Variants in NMNAT2 observed in about 807,000 individuals in gnomAD.
NMNAT2 encodes the protein nicotinamide/nicotinic acid mononucleotide adenylyltransferase 2.
NMNAT2 carries 11 observed loss-of-function variants against 41.6 expected under a neutral mutation model. The observed-to-expected ratio is 0.26, with a 90% CI of 0.17 to 0.44. The LOEUF is 0.44. Ranked by LOEUF, NMNAT2 falls within the 20% of genes least tolerant of loss-of-function variation. The pLI is 1.00. For synonymous variants in NMNAT2, 148 were observed against 151.2 expected (o/e 0.98, Z 0.16); for missense variants, 288 against 407.7 (o/e 0.71, Z 2.53).
intron 1 of NMNAT2, among the ~76,000 whole-genome samples, chr1:183,358,726 G>A (rs1191347929): frequency 1.3e-5 from 2 of 152,134 alleles, no homozygotes; most frequent in Non-Finnish European, 2.9e-5. Context: ...TAAACATACT[G>A]AGTCCTAGAT....
intron 8 of NMNAT2, among the ~76,000 whole-genome samples, chr1:183,264,696 G>GT (rs1660759089): frequency 6.6e-6 from 1 of 152,084 alleles, no homozygotes; most frequent in Non-Finnish European, 1.5e-5. Context: ...ATGTGTGTGT[G>GT]GGTTCGGGAA....
chr1:183,301,770 A>T (rs1479307212), intron 1 of NMNAT2, among the ~76,000 whole-genome samples: 2 of 152,264 alleles, frequency 1.3e-5, no homozygotes, highest in African/African-American at 4.8e-5. Context: ...ATAAAAATTC[A>T]TGAGACACAC....
chr1:183,399,531 A>G (rs1648749898), intron 1 of NMNAT2, among the ~76,000 whole-genome samples: 1 of 152,212 alleles, frequency 6.6e-6, no homozygotes, highest in South Asian at 2.1e-4. Flanking sequence ...AATCAATAGA[A>G]AAAGAGGGAA....
intron 1 of NMNAT2, among the ~76,000 whole-genome samples, chr1:183,382,172 A>G (rs776994202): frequency 6.6e-6 from 1 of 152,204 alleles, no homozygotes; most frequent in Non-Finnish European, 1.5e-5. Flanking sequence ...CTCATCTTAC[A>G]TGGCTGGAGC....
intron 1 of NMNAT2, among the ~76,000 whole-genome samples, chr1:183,361,560 A>G (rs1253477387): frequency 1.3e-5 from 2 of 151,788 alleles, no homozygotes; most frequent in Admixed American, 1.3e-4. Context: ...AATATTTTTA[A>G]ATAAATGAAC....
chr1:183,317,554 G>A (rs951544948), intron 1 of NMNAT2, among the ~76,000 whole-genome samples: 1 of 152,204 alleles, frequency 6.6e-6, no homozygotes, highest in Non-Finnish European at 1.5e-5. Flanking sequence ...TTATAGGCAT[G>A]AGCCACCATG....
Position 183,284,822 on chromosome 1 carries a change from A to G in NMNAT2, c.449-32T>C, listed in dbSNP as rs960095689. 3.2e-6 allele frequency: 5 copies of G among 1,586,676 alleles called. No individual in the cohort carries two copies. In the East Asian group the frequency reaches 6.7e-5, roughly 21 times the overall value. On this transcript the variant is annotated intron_variant, in intron 5 of 10. Coordinates refer to ENST00000287713, the MANE Select transcript of NMNAT2 (RefSeq NM_015039.4). Reference sequence around the variant, plus strand: ...GAGAGAGCAAGACAGACAGGGACAGAGTGGGAGAGAACAACTCACAACTGG... The same window carrying G: ...GAGAGAGCAAGACAGACAGGGACAGGGTGGGAGAGAACAACTCACAACTGG...
rs563608920 is a variant in NMNAT2, at chr1:183,380,131, T to C, written c.85+38052A>G. ...TCTTCATAAGGGCTCATGAGAGAGA[T>C]TTTGTTCAGGTTTCAGAACTAGGAA... On this transcript the variant is annotated intron_variant, in intron 1 of 10. Coordinates refer to ENST00000287713, the MANE Select transcript of NMNAT2 (RefSeq NM_015039.4). Among the ~76,000 whole-genome samples, 25 of 152,322 alleles carry C rather than the reference T, an allele frequency of 1.6e-4. No homozygotes were observed. In the South Asian group the frequency reaches 5.2e-3, roughly 32 times the overall value.
intron 4 of NMNAT2, among the ~76,000 whole-genome samples, 174 bp downstream of exon 4, chr1:183,289,954 C>T (rs1327616341): frequency 6.6e-6 from 1 of 152,218 alleles, no homozygotes; most frequent in Admixed American, 6.5e-5. Context: ...ATTCATTGTT[C>T]TTCATGCTGT....
chr1:183,302,679 G>A (rs1372275312), intron 1 of NMNAT2, among the ~76,000 whole-genome samples: 1 of 152,126 alleles, frequency 6.6e-6, no homozygotes, highest in Non-Finnish European at 1.5e-5. Context: ...AATCTCCCCA[G>A]GGCTAGGTAC....
At chr1:183,341,725 C>CAA (rs762935303) in intron 1 of NMNAT2, among the ~76,000 whole-genome samples, 3,417 of 22,050 alleles carry the variant, frequency 0.15, 477 homozygotes, top group Middle Eastern at 0.28. Context: ...AAACAAACAC[C>CAA]AAAAAAAAAA....
At position 183,304,851 on chromosome 1, in the gene NMNAT2, A is replaced by G. The variant is rs199722061; in HGVS notation, c.86-11058T>C. On this transcript the variant is annotated intron_variant, in intron 1 of 10. Coordinates refer to ENST00000287713, the MANE Select transcript of NMNAT2 (RefSeq NM_015039.4). Reference sequence around the variant, plus strand: ...TGTTGCTGATCTTGTTTGCTCCACTACCTCCAGCTTGGGAGAATTTGAATC... The same window carrying G: ...TGTTGCTGATCTTGTTTGCTCCACTGCCTCCAGCTTGGGAGAATTTGAATC... 27 of 1,570,490 alleles carry G rather than the reference A, an allele frequency of 1.7e-5. No homozygotes were observed. The South Asian group carries it at 3.0e-4, about 17-fold the overall frequency.
chr1:183,374,383 C>T (rs989213345), intron 1 of NMNAT2, among the ~76,000 whole-genome samples: 9 of 152,210 alleles, frequency 5.9e-5, no homozygotes, highest in Admixed American at 2.6e-4. Context: ...GCCTTCTACC[C>T]CGTCAAGAAG....
chr1:183,328,562 G>A (rs1662516195), intron 1 of NMNAT2, among the ~76,000 whole-genome samples: 1 of 152,202 alleles, frequency 6.6e-6, no homozygotes, highest in South Asian at 2.1e-4. Flanking sequence ...GGTCACTGCT[G>A]ATCTGACCAT....
In NMNAT2 at chr1:183,251,855, TTGCTGCTGCTGC is replaced by T; in HGVS notation, c.*774_*785del. The T allele has an allele frequency of 6.1e-6, 1 of 163,200 alleles. No homozygotes were observed. The highest frequency in any genetic ancestry group is 1.6e-4 in the South Asian group (1 of 6,224). 10.1% of individuals were successfully genotyped at this position (163,200 alleles called of 1,614,324 possible). A position where few individuals can be genotyped will look rare whatever the true frequency, so the allele number is the denominator to read the frequency against. On this transcript the variant is annotated 3_prime_UTR_variant, in exon 11 of 11. Coordinates refer to ENST00000287713, the MANE Select transcript of NMNAT2 (RefSeq NM_015039.4). ...CGAAAATCTCACTCCTGATCAAAGG[TTGCTGCTGCTGC>T]TGCTGCTGCTGCTACTGCTATATGT...
At chr1:183,350,252 G>A (rs1663017960) in intron 1 of NMNAT2, among the ~76,000 whole-genome samples, 1 of 152,164 alleles carries the variant, frequency 6.6e-6, no homozygotes, top group Admixed American at 6.5e-5. Context: ...CCAAGTAAGA[G>A]CCATGAGCCA....
At chr1:183,403,549 A>G (rs16860948) in intron 1 of NMNAT2, among the ~76,000 whole-genome samples, 2,946 of 151,712 alleles carry the variant, frequency 0.019, 65 homozygotes, top group African/African-American at 0.055. Flanking sequence ...ATCCACTTTG[A>G]GAGCTTAGTA....
chr1:183,262,408 A>G (rs1490277093), intron 8 of NMNAT2, among the ~76,000 whole-genome samples: 1 of 152,020 alleles, frequency 6.6e-6, no homozygotes, highest in Non-Finnish European at 1.5e-5. Context: ...AAATAGGTGT[A>G]TATATCCACA....
At chr1:183,366,597 T>C (rs1663418975) in intron 1 of NMNAT2, among the ~76,000 whole-genome samples, 1 of 152,178 alleles carries the variant, frequency 6.6e-6, no homozygotes, top group Non-Finnish European at 1.5e-5. Flanking sequence ...TGAGACATGG[T>C]AAGAAGGTAA....
Sources: allele counts gnomAD v4.1 joint callset (sites outside exome capture counted in the v4.1 genomes callset), GRCh38; gene constraint gnomAD v4.1.1; transcripts MANE v1.5; gene names NCBI Gene and HGNC (gene_info 2026-07-23, HGNC 2026-07-21).